HMCN1: variants seen among roughly 807,000 people sequenced by gnomAD.
HMCN1 encodes hemicentin 1.
Under a neutral mutation model 625.9 loss-of-function variants are expected in HMCN1, and 321 were observed. The observed-to-expected ratio is 0.51, with a 90% CI of 0.47 to 0.56. The LOEUF (loss-of-function observed/expected upper bound fraction) is 0.56, where lower values mean the gene tolerates loss of function less well. Among genes scored for constraint, HMCN1 ranks in the 20% least tolerant of loss-of-function variants. The pLI, the probability that HMCN1 is intolerant of heterozygous loss-of-function variation, is 0.00. For missense variants in HMCN1, 6,588 were observed against 6,887.3 expected (o/e 0.96, Z 1.54); for synonymous variants, 2,425 against 2,417.6 (o/e 1.00, Z -0.09).
intron 96 of HMCN1, 117 bp downstream of exon 96, chr1:186,152,988 A>G (rs1211463433): frequency 7.6e-7 from 1 of 1,323,952 alleles, no homozygotes; most frequent in East Asian, 2.3e-5. Flanking sequence ...CAAACTACCA[A>G]GGCTATAAAT....
At chr1:185,824,567 T>G (rs186578854) in intron 1 of HMCN1, among the ~76,000 whole-genome samples, 1 of 152,130 alleles carries the variant, frequency 6.6e-6, no homozygotes, top group Non-Finnish European at 1.5e-5. Flanking sequence ...TCGGGGAGAA[T>G]GGACACTATA....
intron 97 of HMCN1, among the ~76,000 whole-genome samples, chr1:186,157,081 G>A (rs889031578): frequency 1.3e-5 from 2 of 152,106 alleles, no homozygotes; most frequent in Non-Finnish European, 2.9e-5. Flanking sequence ...ATTTTTAATA[G>A]GATTTTCAAA....
At chr1:185,879,839 G>A (rs1009481309) in intron 4 of HMCN1, among the ~76,000 whole-genome samples, 5 of 152,146 alleles carry the variant, frequency 3.3e-5, no homozygotes, top group African/African-American at 7.2e-5. Context: ...AGAGGTCAGC[G>A]AGTTGGATAG....
At chr1:186,128,032 TGATG>T in intron 82 of HMCN1, 42 bp from the exon 83 acceptor site, 1 of 1,521,450 alleles carries the variant, frequency 6.6e-7, no homozygotes, top group Non-Finnish European at 9.1e-7. Context: ...TTATGTACTA[TGATG>T]GATGATTATG....
chr1:186,086,481 G>C, intron 58 of HMCN1, 74 bp downstream of exon 58: 1 of 1,462,378 alleles, frequency 6.8e-7, no homozygotes, highest in African/African-American at 1.4e-5. Flanking sequence ...TTTCAAATTA[G>C]TGTATTTCCA....
Position 186,112,906 on chromosome 1 carries a change from G to A in HMCN1, c.11084G>A (p.Ser3695Asn). The part of the protein sequence containing the change: ...GDTANYTCVA[S>N]NIAGKTTREF... ...ACAGCCAATTATACCTGTGTTGCCA[G>A]CAACATTGCAGGAAAGACTACAAGA... The change falls in exon 72 of 107, where the codon AGC becomes AAC. Residue 3695 changes from serine (S) to asparagine (N), a missense_variant. Coordinates refer to ENST00000271588, the MANE Select transcript of HMCN1 (RefSeq NM_031935.3). 1 of 1,614,068 alleles carries A rather than the reference G, an allele frequency of 6.2e-7. No homozygotes were observed. Among genetic ancestry groups the A allele is most frequent in the Non-Finnish European group, 8.5e-7 (1 of 1,179,986 alleles).
At chr1:186,052,882 C>T (rs1469919468) in intron 42 of HMCN1, 70 bp from the exon 43 acceptor site, 1 of 1,315,110 alleles carries the variant, frequency 7.6e-7, no homozygotes, top group Non-Finnish European at 1.1e-6. Context: ...AGCCTTTTAT[C>T]TTACATGTAA....
chr1:186,115,119 CT>C, intron 74 of HMCN1, 138 bp from the exon 75 acceptor site: 1 of 1,340,878 alleles, frequency 7.5e-7, no homozygotes, highest in Non-Finnish European at 1.1e-6. Flanking sequence ...CATCACAGCA[CT>C]ATTAAAATTT....
intron 4 of HMCN1, among the ~76,000 whole-genome samples, chr1:185,876,210 C>T (rs192490275): frequency 1.1e-3 from 163 of 152,172 alleles, no homozygotes; most frequent in South Asian, 2.1e-3. Flanking sequence ...TAATGGCCTC[C>T]AGCTCCCTCC....
intron 6 of HMCN1, among the ~76,000 whole-genome samples, chr1:185,920,378 C>T (rs1666944191): frequency 6.6e-6 from 1 of 152,098 alleles, no homozygotes; most frequent in South Asian, 2.1e-4. Context: ...TTAAATTCAT[C>T]AAAGACATTC....
intron 11 of HMCN1, among the ~76,000 whole-genome samples, chr1:185,950,284 A>G (rs1400190796): frequency 2.0e-5 from 3 of 151,788 alleles, no homozygotes; most frequent in African/African-American, 7.3e-5. Flanking sequence ...TGAGGAAGAA[A>G]ATAGATTTTG....
At chr1:185,958,774 G>A (rs1363329716) in intron 11 of HMCN1, among the ~76,000 whole-genome samples, 1 of 152,082 alleles carries the variant, frequency 6.6e-6, no homozygotes, top group Non-Finnish European at 1.5e-5. Flanking sequence ...GAGTGACTAG[G>A]CAAATTATTT....
At position 185,952,275 on chromosome 1, in the gene HMCN1, G is replaced by A. The variant is rs572995231; in HGVS notation, c.1829-10243G>A. Among the ~76,000 whole-genome samples, 82 of 151,878 alleles carry A rather than the reference G, an allele frequency of 5.4e-4. 1 individual carries two copies. Among genetic ancestry groups the A allele is most frequent in the Non-Finnish European group, 1.1e-3 (75 of 67,992 alleles). The stretch of plus-strand genomic sequence containing the variant: ...GTAAGCCGGACCAGGTGTGAGGAGG[G>A]GAGGTGATAAAAAGATTATAGGGTG... On this transcript the variant is annotated intron_variant, in intron 11 of 106. Coordinates refer to ENST00000271588, the MANE Select transcript of HMCN1 (RefSeq NM_031935.3).
intron 1 of HMCN1, among the ~76,000 whole-genome samples, chr1:185,761,313 G>A (rs1176964124): frequency 6.6e-6 from 1 of 152,134 alleles, no homozygotes; most frequent in African/African-American, 2.4e-5. Flanking sequence ...AGCTTCTTCT[G>A]AGGCCCAGTG....
At chr1:185,920,623 C>T (rs1021279989) in intron 6 of HMCN1, among the ~76,000 whole-genome samples, 1 of 151,988 alleles carries the variant, frequency 6.6e-6, no homozygotes, top group African/African-American at 2.4e-5. Context: ...TCTACTTTAA[C>T]GTGTTATTTA....
At chr1:186,110,994 T>TTTTTTTTTTTTTTTTTTTTG (rs1660854325) in intron 71 of HMCN1, among the ~76,000 whole-genome samples, 1 of 126,868 alleles carries the variant, frequency 7.9e-6, no homozygotes, top group Non-Finnish European at 1.6e-5. Context: ...TTTTTTTTTT[T>TTTTTTTTTTTTTTTTTTTTG]TTTTGAGACG....
chr1:185,880,344 C>G (rs568111225), intron 4 of HMCN1, among the ~76,000 whole-genome samples: 2 of 152,130 alleles, frequency 1.3e-5, no homozygotes, highest in Non-Finnish European at 2.9e-5. Context: ...TAATTCCATA[C>G]TAGGGGATGG....
intron 1 of HMCN1, among the ~76,000 whole-genome samples, chr1:185,804,317 C>G (rs531636077): frequency 4.6e-5 from 7 of 152,050 alleles, no homozygotes; most frequent in Admixed American, 2.0e-4. Context: ...CTGCTTTGCA[C>G]ATTATAACTG....
chr1:185,963,644 G>T, intron 12 of HMCN1, 124 bp from the exon 13 acceptor site: 2 of 703,492 alleles, frequency 2.8e-6, no homozygotes, highest in Non-Finnish European at 5.0e-6. Flanking sequence ...AACCATTTCT[G>T]CAATCGACAC....
Sources: allele counts gnomAD v4.1 joint callset (sites outside exome capture counted in the v4.1 genomes callset), GRCh38; gene constraint gnomAD v4.1.1; transcripts MANE v1.5; gene names NCBI Gene and HGNC (gene_info 2026-07-23, HGNC 2026-07-21).